The following PPM1H variants were observed in gnomAD, a reference collection of about 807,000 sequenced individuals.
PPM1H encodes the protein protein phosphatase, Mg2+/Mn2+ dependent 1H.
Under a neutral mutation model 54.9 loss-of-function variants are expected in PPM1H, and 27 were observed. The ratio of observed to expected loss-of-function variants is 0.49; its 90% CI spans 0.36 to 0.68. The LOEUF (loss-of-function observed/expected upper bound fraction) is 0.68, where lower values mean the gene tolerates loss of function less well. Ranked by LOEUF, PPM1H falls within the 30% of genes least tolerant of loss-of-function variation. The pLI, the probability that PPM1H is intolerant of heterozygous loss-of-function variation, is 0.00. For synonymous variants in PPM1H, 305 were observed against 270.8 expected (o/e 1.13, Z -1.24); for missense variants, 596 against 667.8 (o/e 0.89, Z 1.19).
intron 4 of PPM1H, among the ~76,000 whole-genome samples, chr12:62,785,893 T>G (rs1419979497): frequency 1.3e-5 from 2 of 149,936 alleles, no homozygotes; most frequent in Non-Finnish European, 3.0e-5. Context: ...AAAAAGGCAC[T>G]GGGGAGGAGT....
At chr12:62,701,059 C>A (rs1365457066) in intron 6 of PPM1H, among the ~76,000 whole-genome samples, 1 of 152,184 alleles carries the variant, frequency 6.6e-6, no homozygotes, top group Non-Finnish European at 1.5e-5. Context: ...TATGGCATCT[C>A]CTATACCTAC....
At chr12:62,673,408 G>A (rs1046613538) in intron 8 of PPM1H, among the ~76,000 whole-genome samples, 4 of 152,174 alleles carry the variant, frequency 2.6e-5, no homozygotes, top group Admixed American at 2.6e-4. Context: ...TTGGTGGCAT[G>A]TTAGGAGGGC....
At chr12:62,888,727 GGA>G in intron 1 of PPM1H, among the ~76,000 whole-genome samples, 1 of 152,258 alleles carries the variant, frequency 6.6e-6, no homozygotes, top group East Asian at 1.9e-4. Flanking sequence ...TAAGGGTCGG[GGA>G]GAGGAGAGAA....
chr12:62,666,028 TA>T (rs1565749559), intron 9 of PPM1H, among the ~76,000 whole-genome samples: 1 of 151,614 alleles, frequency 6.6e-6, no homozygotes, highest in South Asian at 2.1e-4. Context: ...CATGCTTGGC[TA>T]AAAAAAAATT....
chr12:62,762,901 C>A (rs1223800123), intron 4 of PPM1H, among the ~76,000 whole-genome samples: 1 of 152,102 alleles, frequency 6.6e-6, no homozygotes, highest in Non-Finnish European at 1.5e-5. Flanking sequence ...GGCAGGGAAA[C>A]CTGGAGGAGG....
chr12:62,802,047 C>T lies in PPM1H; in HGVS notation c.525G>A (p.Gln175=), dbSNP rs2076773994. 1 of 1,613,320 alleles carries T rather than the reference C, an allele frequency of 6.2e-7. No individual in the cohort carries two copies. Among genetic ancestry groups the T allele is most frequent in the Admixed American group, 1.7e-5 (1 of 60,004 alleles). ...AGTTCTTCAGGATGTCCACGATGTC[C>T]TGCAGCTGCTCCGTGATGTGGTGCT... The part of the protein sequence containing the change: ...LLQHHITEQL[Q]DIVDILKNSA... The change falls in exon 3 of 10, where the codon CAG becomes CAA. Residue 175 remains glutamine (Q), a synonymous_variant. Coordinates refer to ENST00000228705, the MANE Select transcript of PPM1H (RefSeq NM_020700.2).
chr12:62,843,064 C>G (rs1474256980), intron 1 of PPM1H, among the ~76,000 whole-genome samples: 2 of 152,184 alleles, frequency 1.3e-5, no homozygotes, highest in Non-Finnish European at 2.9e-5. Flanking sequence ...GCTTGTAATT[C>G]CAGCACTTTG....
At chr12:62,743,636 C>T (rs1171832024) in intron 4 of PPM1H, among the ~76,000 whole-genome samples, 1 of 151,944 alleles carries the variant, frequency 6.6e-6, no homozygotes, top group African/African-American at 2.4e-5. Context: ...ATCATATTAA[C>T]TCTTGTTAAA....
chr12:62,727,683 T>A (rs1286430558), intron 5 of PPM1H, among the ~76,000 whole-genome samples: 1 of 149,454 alleles, frequency 6.7e-6, no homozygotes, highest in East Asian at 2.0e-4. Flanking sequence ...TTATTTGAGG[T>A]GGATTCTCAC....
intron 8 of PPM1H, among the ~76,000 whole-genome samples, chr12:62,674,495 C>G (rs750960488): frequency 8.6e-5 from 13 of 152,036 alleles, no homozygotes; most frequent in Non-Finnish European, 1.2e-4. Flanking sequence ...CCCTATAAAC[C>G]AAGTAGATCA....
At chr12:62,892,646 TGTGTTTACCAACA>T (rs1870839287) in intron 1 of PPM1H, among the ~76,000 whole-genome samples, 1 of 152,232 alleles carries the variant, frequency 6.6e-6, no homozygotes. Context: ...AAACTCAATA[TGTGTTTACCAACA>T]GTATACATCA....
rs1328807100 is a variant in PPM1H at position 62,877,075 on chromosome 12, G to C, written c.246-44796C>G. Reference sequence around the variant, plus strand: ...TCTAATCTCAGAAAAAAAAGTTATTGTGTTCACTGACCTAGGGTACGCATA... The same window carrying C: ...TCTAATCTCAGAAAAAAAAGTTATTCTGTTCACTGACCTAGGGTACGCATA... On this transcript the variant is annotated intron_variant, in intron 1 of 9. Transcript: ENST00000228705. Among the ~76,000 whole-genome samples, 3 of 152,248 alleles carry C rather than the reference G, an allele frequency of 2.0e-5. No homozygotes were observed. The East Asian group carries it at 5.8e-4, about 29-fold the overall frequency.
intron 4 of PPM1H, among the ~76,000 whole-genome samples, chr12:62,765,290 G>T (rs1051997161): frequency 6.6e-6 from 1 of 152,306 alleles, no homozygotes. Flanking sequence ...TGGGCACAGT[G>T]GGGTGGAGGC....
chr12:62,919,954 T>TA (rs1181579217), intron 1 of PPM1H, among the ~76,000 whole-genome samples: 54 of 151,218 alleles, frequency 3.6e-4, no homozygotes, highest in Admixed American at 2.8e-3. Flanking sequence ...ACACCAAGAT[T>TA]AAAAAAAAAT....
intron 2 of PPM1H, among the ~76,000 whole-genome samples, chr12:62,809,614 T>TA (rs1344130999): frequency 6.6e-6 from 1 of 152,232 alleles, no homozygotes; most frequent in Non-Finnish European, 1.5e-5. Flanking sequence ...ACAAGTGGTA[T>TA]GAAGGTGATG....
intron 1 of PPM1H, among the ~76,000 whole-genome samples, chr12:62,912,512 G>C (rs955227634): frequency 6.6e-6 from 1 of 152,136 alleles, no homozygotes; most frequent in South Asian, 2.1e-4. Flanking sequence ...ACTTGAAGTT[G>C]AGAATTGGTG....
At chr12:62,907,598 C>G (rs1432909764) in intron 1 of PPM1H, among the ~76,000 whole-genome samples, 1 of 152,190 alleles carries the variant, frequency 6.6e-6, no homozygotes, top group Non-Finnish European at 1.5e-5. Context: ...TAAAAATGTT[C>G]TAGTCTAAGT....
chr12:62,683,058 T>C (rs892029466), intron 8 of PPM1H, among the ~76,000 whole-genome samples: 1 of 145,062 alleles, frequency 6.9e-6, no homozygotes, highest in African/African-American at 2.5e-5. Flanking sequence ...ATTATTATTA[T>C]TATTATTATT....
intron 4 of PPM1H, among the ~76,000 whole-genome samples, chr12:62,740,435 G>A (rs76098447): frequency 0.096 from 14,624 of 152,012 alleles, 870 homozygotes; most frequent in East Asian, 0.19. Flanking sequence ...CAACTTCTCC[G>A]TCCCTTCTTT....
Sources: allele counts gnomAD v4.1 joint callset (sites outside exome capture counted in the v4.1 genomes callset), GRCh38; gene constraint gnomAD v4.1.1; transcripts MANE v1.5; gene names NCBI Gene and HGNC (gene_info 2026-07-23, HGNC 2026-07-21).